The following ELF2 variants were observed in gnomAD, a reference collection of about 807,000 sequenced individuals.
ELF2 encodes E74 like ETS transcription factor 2.
A neutral mutation model predicts 54.8 loss-of-function variants in ELF2; 11 were observed. That is an observed-to-expected ratio of 0.20 (90% CI 0.13 to 0.33). The LOEUF is 0.33. Ranked by LOEUF, ELF2 falls within the 10% of genes least tolerant of loss-of-function variation. The pLI, the probability that ELF2 is intolerant of heterozygous loss-of-function variation, is 1.00. For missense variants in ELF2, 513 were observed against 703.0 expected, an observed-to-expected ratio of 0.73 and a Z score of 3.06; for synonymous variants, 203 against 245.1, an observed-to-expected ratio of 0.83 and a Z score of 1.61.
intron 4 of ELF2, among the ~76,000 whole-genome samples, chr4:139,075,653 T>C (rs1206881320): frequency 6.6e-6 from 1 of 152,180 alleles, no homozygotes; most frequent in Non-Finnish European, 1.5e-5. Context: ...GGTTTTGAAC[T>C]CCTGACCTCA....
intron 5 of ELF2, among the ~76,000 whole-genome samples, chr4:139,072,650 C>G (rs1275710227): frequency 1.3e-5 from 2 of 152,168 alleles, no homozygotes; most frequent in African/African-American, 4.8e-5. Context: ...ATCTGGTATT[C>G]TAGTACATAC....
chr4:139,064,340 C>A (rs1728361598), intron 7 of ELF2, among the ~76,000 whole-genome samples: 1 of 152,102 alleles, frequency 6.6e-6, no homozygotes, highest in Non-Finnish European at 1.5e-5. Context: ...GAAAAGAGTC[C>A]TGAGACGAAA....
chr4:139,088,612 C>T (rs1365996626), intron 4 of ELF2, among the ~76,000 whole-genome samples: 1 of 152,116 alleles, frequency 6.6e-6, no homozygotes, highest in African/African-American at 2.4e-5. Context: ...GTTGTCTTCA[C>T]CCACTTCTAC....
At chr4:139,137,444 G>A (rs952192165) in intron 3 of ELF2, 186 bp downstream of exon 3, 21 of 610,022 alleles carry the variant, frequency 3.4e-5, no homozygotes, top group African/African-American at 3.0e-4. Context: ...AACAATTCAC[G>A]TAAGCCCTGC....
chr4:139,155,830 G>C lies in ELF2; in HGVS notation c.-251-16333C>G, dbSNP rs142182046. The stretch of plus-strand genomic sequence containing the variant: ...TTTAACAATTTAGGCTCATAAGCCA[G>C]AACTGAAGATAAATAATTTTGGCAA... On this transcript the variant is annotated intron_variant, in intron 1 of 9. Transcript: ENST00000686138. Among the ~76,000 whole-genome samples the C allele has an allele frequency of 6.4e-3, 967 of 152,214 alleles. 15 individuals carry two copies. The highest frequency in any genetic ancestry group is 0.023 in the African/African-American group (936 of 41,538).
At chr4:139,069,965 C>T (rs1271321279) in intron 6 of ELF2, among the ~76,000 whole-genome samples, 3 of 151,992 alleles carry the variant, frequency 2.0e-5, no homozygotes, top group Non-Finnish European at 2.9e-5. Context: ...CTCAGCCTCC[C>T]GAGTAGCTAG....
chr4:139,115,317 C>T, intron 4 of ELF2: 1 of 1,528,338 alleles, frequency 6.5e-7, no homozygotes, highest in Non-Finnish European at 8.8e-7. Context: ...CCGCCACTGC[C>T]CGGCCCGGGG....
chr4:139,148,316 ATTTTTTTTTT>A (rs772079635), intron 1 of ELF2, among the ~76,000 whole-genome samples: 22 of 64,568 alleles, frequency 3.4e-4, no homozygotes, highest in East Asian at 1.3e-3. Context: ...TACCTGGCTA[ATTTTTTTTTT>A]TTTTTTTTTT....
intron 4 of ELF2, among the ~76,000 whole-genome samples, chr4:139,093,870 A>G (rs982997430): frequency 2.7e-5 from 4 of 150,630 alleles, no homozygotes; most frequent in Non-Finnish European, 3.0e-5. Flanking sequence ...TCACTTTCAC[A>G]TAATACTGGA....
chr4:139,158,360 CAG>C (rs1292230136), intron 1 of ELF2, among the ~76,000 whole-genome samples: 7 of 152,106 alleles, frequency 4.6e-5, no homozygotes, highest in Non-Finnish European at 7.3e-5. Flanking sequence ...AGCTTGGACT[CAG>C]AGGCCTGACA....
In ELF2 at chr4:139,151,032, A is replaced by AAAAAAAAGAAAGG. The variant is rs1301387000; in HGVS notation, c.-251-11536_-251-11535insCCTTTCTTTTTTT. On this transcript the variant is annotated intron_variant, in intron 1 of 9. Transcript: ENST00000686138. Reference sequence around the variant, plus strand: ...GAACGAGGCTCCATCTCAAAAAAAAAAAAGAAAGAAAGAAAGAAAGAAAGA... The same window carrying AAAAAAAAGAAAGG: ...GAACGAGGCTCCATCTCAAAAAAAAAAAAAAAAGAAAGGAAAGAAAGAAAGAAAGAAAGAAAGA... 4.9e-5 allele frequency among the ~76,000 whole-genome samples: 5 copies of AAAAAAAAGAAAGG among 102,510 alleles called. 1 individual carries two copies. The highest frequency in any genetic ancestry group is 2.5e-4 in the African/African-American group (5 of 19,690). 67.3% of individuals were successfully genotyped at this position (102,510 alleles called of 152,430 possible). A position where few individuals can be genotyped will look rare whatever the true frequency, so the allele number is the denominator to read the frequency against.
intron 4 of ELF2, among the ~76,000 whole-genome samples, chr4:139,087,313 C>A (rs1732077741): frequency 6.6e-6 from 1 of 152,192 alleles, no homozygotes; most frequent in Non-Finnish European, 1.5e-5. Flanking sequence ...CAGGGTCTCG[C>A]TATGTTATCA....
At chr4:139,162,500 C>T (rs1741277852) in intron 1 of ELF2, among the ~76,000 whole-genome samples, 1 of 151,994 alleles carries the variant, frequency 6.6e-6, no homozygotes, top group Admixed American at 6.6e-5. Flanking sequence ...CACTGCATTC[C>T]AGCCTGGGCA....
rs187449064 is a variant in ELF2, at chr4:139,160,831, C to T, written c.-252+16136G>A. Among the ~76,000 whole-genome samples, 504 of 152,154 alleles carry T rather than the reference C, an allele frequency of 3.3e-3. 5 individuals carry two copies. Among genetic ancestry groups the T allele is most frequent in the African/African-American group, 0.011 (473 of 41,506 alleles). ...TACAAAAATTAGCCGGGCATAGTGG[C>T]TCACACCTGTAATCCCAGCTGCTCC... is the stretch of plus-strand genomic sequence containing the variant. On this transcript the variant is annotated intron_variant, in intron 1 of 9. Transcript: ENST00000686138.
chr4:139,115,843 T>A (rs901371107), intron 4 of ELF2, among the ~76,000 whole-genome samples: 2 of 152,174 alleles, frequency 1.3e-5, no homozygotes, highest in Non-Finnish European at 2.9e-5. Flanking sequence ...TGTTTTTGTT[T>A]TGTTTTGTTT....
chr4:139,062,977 G>A (rs899087925), intron 7 of ELF2, among the ~76,000 whole-genome samples: 13 of 152,090 alleles, frequency 8.5e-5, no homozygotes, highest in Middle Eastern at 3.4e-3. Context: ...TACTGTTGGC[G>A]GGGTGTGGTG....
chr4:139,136,139 A>C (rs1432715881), intron 3 of ELF2, among the ~76,000 whole-genome samples: 2 of 152,146 alleles, frequency 1.3e-5, no homozygotes, highest in African/African-American at 4.8e-5. Context: ...GCAGTTCCCC[A>C]ATCCCTAATG....
In ELF2 at chr4:139,166,076, G is replaced by A. The variant is rs149522408; in HGVS notation, c.-252+10891C>T. ...AAACAGGCTGGGCATGGTGGCTCAC[G>A]CCTGTAATCCCAGCACTTTGGAAGG... On this transcript the variant is annotated intron_variant, in intron 1 of 9. Coordinates refer to ENST00000686138, the MANE Select transcript of ELF2 (RefSeq NM_001331036.3). Among the ~76,000 whole-genome samples, 773 of 152,244 alleles carry A rather than the reference G, an allele frequency of 5.1e-3. 3 individuals carry two copies. The highest frequency in any genetic ancestry group is 0.017 in the African/African-American group (722 of 41,522).
intron 4 of ELF2, among the ~76,000 whole-genome samples, chr4:139,098,324 A>G (rs1733500837): frequency 6.6e-6 from 1 of 152,018 alleles, no homozygotes; most frequent in African/African-American, 2.4e-5. Context: ...GTTTATGATG[A>G]TTTTGTTTTC....
Sources: gnomAD v4.1 joint callset for allele counts (sites outside exome capture counted in the v4.1 genomes callset) on GRCh38, gnomAD v4.1.1 for gene constraint, MANE v1.5 for transcripts, NCBI Gene and HGNC (gene_info 2026-07-23, HGNC 2026-07-21) for gene names.